The following SLC12A1 variants were observed in gnomAD, a reference collection of about 807,000 sequenced individuals.
SLC12A1 encodes Na-K-2Cl cotransporter.
Under a neutral mutation model 130.4 loss-of-function variants are expected in SLC12A1, and 89 were observed. The ratio of observed to expected loss-of-function variants is 0.68; its 90% confidence interval spans 0.58 to 0.81. SLC12A1 has a LOEUF of 0.81. Ranked by LOEUF, SLC12A1 falls within the 40% of genes least tolerant of loss-of-function variation. SLC12A1 has a pLI of 0.00. For synonymous variants in SLC12A1, 499 were observed against 460.0 expected, an observed-to-expected ratio of 1.08 and a Z score of -1.09; for missense variants, 1,310 against 1,336.4, an observed-to-expected ratio of 0.98 and a Z score of 0.31.
At position 48,288,499 on chromosome 15, in the gene SLC12A1, T is replaced by C. The variant is rs763091239; in HGVS notation, c.2856T>C (p.Ile952=). 5.9e-5 allele frequency: 90 copies of C among 1,537,520 alleles called. No individual in the cohort carries two copies. Among genetic ancestry groups the C allele is most frequent in the Non-Finnish European group, 7.4e-5 (84 of 1,133,132 alleles). ...RIYVGGKINR[I]EEEKIVMASL... The stretch of plus-strand genomic sequence containing the variant: ...ATGTGGGAGGGAAGATCAACCGCAT[T>C]GAAGAAGAAAAAATTGTGTAAGTAG... The change falls in exon 23 of 27, where the codon ATT becomes ATC. Residue 952 remains isoleucine (I), a synonymous_variant. Transcript: ENST00000380993.
Position 48,274,565 on chromosome 15 carries a change from T to C in SLC12A1, c.2403-6T>C. On this transcript the variant is annotated splice_region_variant and splice_polypyrimidine_tract_variant and intron_variant, in intron 19 of 26. Transcript: ENST00000380993. ...AAAACGCTGACTGCTTTGCTTCCTCTTTCAGTGATGCATTTGATTTTGAGA... is the reference window on the plus strand; with the variant it reads ...AAAACGCTGACTGCTTTGCTTCCTCCTTCAGTGATGCATTTGATTTTGAGA... 2.5e-6 allele frequency: 4 copies of C among 1,607,766 alleles called. No individual in the cohort carries two copies. The highest frequency in any genetic ancestry group is 3.4e-6 in the Non-Finnish European group (4 of 1,175,440).
intron 16 of SLC12A1, among the ~76,000 whole-genome samples, chr15:48,257,334 C>A (rs1257069897): frequency 6.6e-6 from 1 of 152,166 alleles, no homozygotes; most frequent in African/African-American, 2.4e-5. Flanking sequence ...ATTCTGGGGT[C>A]TAGAGGACTG....
intron 20 of SLC12A1, 69 bp downstream of exon 20, chr15:48,274,722 G>A: frequency 9.6e-7 from 1 of 1,042,238 alleles, no homozygotes; most frequent in Non-Finnish European, 1.5e-6. Context: ...CATTGTTATG[G>A]GATACAGCAG....
chr15:48,234,870 G>A lies in SLC12A1; in HGVS notation c.1088-7G>A, dbSNP rs1358815433. 9.9e-6 allele frequency: 16 copies of A among 1,613,462 alleles called. No individual in the cohort carries two copies. The highest frequency in any genetic ancestry group is 1.4e-5 in the Non-Finnish European group (16 of 1,179,578). On this transcript the variant is annotated splice_region_variant and splice_polypyrimidine_tract_variant and intron_variant, in intron 8 of 26. Coordinates refer to ENST00000380993, the MANE Select transcript of SLC12A1 (RefSeq NM_000338.3). ...ACATCATAATTTTCTTATAATTTAT[G>A]TTGCAGCATCAATATTTGCAGAAAA... is the stretch of plus-strand genomic sequence containing the variant.
chr15:48,267,392 T>C (rs951587820), intron 17 of SLC12A1, among the ~76,000 whole-genome samples, 169 bp from the exon 18 acceptor site: 7 of 152,126 alleles, frequency 4.6e-5, no homozygotes, highest in Non-Finnish European at 4.4e-5. Flanking sequence ...ATACCGCAGG[T>C]CATCTCCAAA....
chr15:48,267,927 G>A (rs932935195), intron 18 of SLC12A1, among the ~76,000 whole-genome samples: 8 of 152,122 alleles, frequency 5.3e-5, no homozygotes, highest in African/African-American at 1.7e-4. Context: ...GGAAAATGAG[G>A]TTGCCTTTGG....
intron 5 of SLC12A1, chr15:48,226,933 CTTCA>C (rs1162433389): frequency 3.1e-6 from 2 of 635,136 alleles, no homozygotes; most frequent in African/African-American, 3.7e-5. Context: ...CTTCCTAGAC[CTTCA>C]TGAAATGGGA....
chr15:48,285,109 A>T lies in SLC12A1; in HGVS notation c.2489A>T (p.Glu830Val). The T allele has an allele frequency of 6.3e-7, 1 of 1,595,224 alleles. No individual in the cohort carries two copies. The highest frequency in any genetic ancestry group is 1.2e-5 in the South Asian group (1 of 86,270). ...TGATTTTGTCTTCTTTCATCAGAGG[A>T]ATTAGAGAGATTAGAACAGGAGAGA... The part of the protein sequence containing the change: ...DISQVLQVQE[E>V]LERLEQERLA... Residue 830 changes from glutamate (E) to valine (V), a missense_variant, in exon 21 of 27, where the codon GAA (glutamate) becomes GTA (valine). Glu to Val is a moderately radical substitution (Grantham distance 121, BLOSUM62 -2). Coordinates refer to ENST00000380993, the MANE Select transcript of SLC12A1 (RefSeq NM_000338.3).
At chr15:48,280,477 A>G (rs993223456) in intron 20 of SLC12A1, among the ~76,000 whole-genome samples, 1 of 152,216 alleles carries the variant, frequency 6.6e-6, no homozygotes, top group Non-Finnish European at 1.5e-5. Context: ...GGTTGAGGTT[A>G]TAAACATCTT....
chr15:48,235,991 G>A (rs908448876), intron 9 of SLC12A1, among the ~76,000 whole-genome samples: 1 of 152,094 alleles, frequency 6.6e-6, no homozygotes, highest in Non-Finnish European at 1.5e-5. Flanking sequence ...GGGAAATGTA[G>A]TCTGTATCTG....
intron 2 of SLC12A1, among the ~76,000 whole-genome samples, chr15:48,217,307 T>A (rs2041135335): frequency 2.0e-5 from 3 of 152,162 alleles, no homozygotes; most frequent in African/African-American, 7.2e-5. Context: ...ACCAATTTCT[T>A]TTTCCTTTTT....
chr15:48,286,555 C>A (rs906597350), intron 21 of SLC12A1, among the ~76,000 whole-genome samples: 6 of 152,116 alleles, frequency 3.9e-5, no homozygotes, highest in Admixed American at 3.3e-4. Flanking sequence ...AGTCATAGCC[C>A]AATAATGTGC....
chr15:48,232,983 G>C, intron 8 of SLC12A1, 145 bp downstream of exon 8: 1 of 624,542 alleles, frequency 1.6e-6, no homozygotes, highest in East Asian at 2.7e-5. Context: ...AAAGAAATGG[G>C]AAGTACGTTG....
intron 17 of SLC12A1, among the ~76,000 whole-genome samples, chr15:48,264,646 C>T (rs373960046): frequency 6.6e-6 from 1 of 151,814 alleles, no homozygotes; most frequent in African/African-American, 2.4e-5. Flanking sequence ...TAATATGGAC[C>T]AAATCAGAAA....
At chr15:48,278,381 G>T (rs3784616) in intron 20 of SLC12A1, among the ~76,000 whole-genome samples, 41,195 of 152,128 alleles carry the variant, frequency 0.27, 6,473 homozygotes, top group African/African-American at 0.42. Context: ...TAAAATGGGG[G>T]CTTACCCAAG....
chr15:48,292,253 G>A (rs372946262), intron 24 of SLC12A1, among the ~76,000 whole-genome samples: 1 of 152,102 alleles, frequency 6.6e-6, no homozygotes, highest in East Asian at 1.9e-4. Context: ...CTCTGATGGA[G>A]AATATATGGA....
chr15:48,267,766 C>G, intron 18 of SLC12A1, 65 bp downstream of exon 18: 1 of 1,559,894 alleles, frequency 6.4e-7, no homozygotes, highest in Non-Finnish European at 8.8e-7. Context: ...GTTAATAAGG[C>G]TCCCAAAGTG....
chr15:48,269,743 A>G lies in SLC12A1; in HGVS notation c.2381A>G (p.Glu794Gly). The G allele has an allele frequency of 6.2e-7, 1 of 1,600,830 alleles. No individual in the cohort carries two copies. The highest frequency in any genetic ancestry group is 2.2e-5 in the East Asian group (1 of 44,770). Residue 794 changes from glutamate to glycine, a missense_variant, in exon 19 of 27, where the codon GAG becomes GGG. Physicochemically the swap from Glu to Gly is moderately conservative, Grantham distance 98 (BLOSUM62 -2). Coordinates refer to ENST00000380993, the MANE Select transcript of SLC12A1 (RefSeq NM_000338.3). ...AGGAAAGCTCCCTTGACAGAGATTG[A>G]GAACTACGTGGGAATCATACAGTAA... ...NWRKAPLTEI[E>G]NYVGIIHDAF... is the part of the protein sequence containing the mutation.
intron 24 of SLC12A1, among the ~76,000 whole-genome samples, chr15:48,298,508 C>G (rs2042200282): frequency 6.6e-6 from 1 of 152,182 alleles, no homozygotes; most frequent in African/African-American, 2.4e-5. Context: ...CTGAATAATA[C>G]TCATTTGAAA....
Sources: gnomAD v4.1 joint callset for allele counts (sites outside exome capture counted in the v4.1 genomes callset) on GRCh38, gnomAD v4.1.1 for gene constraint, MANE v1.5 for transcripts, NCBI Gene and HGNC (gene_info 2026-07-23, HGNC 2026-07-21) for gene names.